The following DPP6 variants were observed in gnomAD, a reference collection of about 807,000 sequenced individuals.
The protein encoded by DPP6 is dipeptidyl peptidase like 6.
In DPP6, 69 loss-of-function variants were observed where a neutral mutation model predicts 122.6. The ratio of observed to expected loss-of-function variants is 0.56; its 90% confidence interval spans 0.46 to 0.69. The LOEUF is 0.69. DPP6 is among the 30% of genes least tolerant of loss of function. The pLI is 0.00. For missense variants in DPP6, 928 were observed against 1,116.9 expected, an observed-to-expected ratio of 0.83 and a Z score of 2.41; for synonymous variants, 418 against 433.1, an observed-to-expected ratio of 0.97 and a Z score of 0.43.
In DPP6 at chr7:154,324,093, G is replaced by C. The variant is rs544335989; in HGVS notation, c.244-122121G>C. On this transcript the variant is annotated intron_variant, in intron 1 of 25. Coordinates refer to ENST00000377770, the MANE Select transcript of DPP6 (RefSeq NM_130797.4). ...GACAGAACCATGAGCAGAGGACATA[G>C]TGGGTGGGGTTCGTGGAAAAATAGA... 3.9e-5 allele frequency among the ~76,000 whole-genome samples: 6 copies of C among 152,346 alleles called. No homozygotes were observed. In the South Asian group the frequency reaches 1.2e-3, roughly 32 times the overall value.
rs1204887850 is a variant in DPP6 at position 154,500,992 on chromosome 7, C to G, written c.457+25955C>G. Among the ~76,000 whole-genome samples the G allele has an allele frequency of 2.6e-5, 4 of 152,250 alleles. No individual in the cohort carries two copies. The East Asian group carries it at 5.8e-4, about 22-fold the overall frequency. The stretch of plus-strand genomic sequence containing the variant: ...AAATCCAGGCTGAGGTGGTCTCAGA[C>G]AGAGATGAGAAACTAGTTGGGAACT... On this transcript the variant is annotated intron_variant, in intron 3 of 25. Transcript: ENST00000377770.
At position 154,506,169 on chromosome 7, in the gene DPP6, G is replaced by A. The variant is rs377595181; in HGVS notation, c.457+31132G>A. Among the ~76,000 whole-genome samples, 22 of 152,090 alleles carry A rather than the reference G, an allele frequency of 1.4e-4. No homozygotes were observed. The South Asian group carries it at 1.9e-3, about 13-fold the overall frequency. On this transcript the variant is annotated intron_variant, in intron 3 of 25. Coordinates refer to ENST00000377770, the MANE Select transcript of DPP6 (RefSeq NM_130797.4). Reference sequence around the variant, plus strand: ...TGCTTTTCTGGAAGAGATTTTTGGAGATCTTAACTCTGCTATTTGGATGTA... The same window carrying A: ...TGCTTTTCTGGAAGAGATTTTTGGAAATCTTAACTCTGCTATTTGGATGTA...
At chr7:154,060,731 C>CACT (rs1801694704) in intron 1 of DPP6, among the ~76,000 whole-genome samples, 3 of 146,104 alleles carry the variant, frequency 2.1e-5, no homozygotes, top group African/African-American at 7.6e-5. Flanking sequence ...GGAGGCACCC[C>CACT]CCGCGAGGCA....
rs542708634 is a variant in DPP6, at chr7:154,806,951, TC to T, written c.1548-41del. 3.7e-3 allele frequency: 5,914 copies of T among 1,603,956 alleles called. 21 individuals are homozygous for T. The highest frequency in any genetic ancestry group is 4.6e-3 in the Non-Finnish European group (5,357 of 1,173,940). On this transcript the variant is annotated intron_variant, in intron 15 of 25. Transcript: ENST00000377770. ...TGCGGCACCCAGCGTGGAGGGCAGC[TC>T]CTCTCCGCCCACATTCACACCTGCG...
At chr7:154,316,979 A>T (rs1441948780) in intron 1 of DPP6, among the ~76,000 whole-genome samples, 2 of 152,122 alleles carry the variant, frequency 1.3e-5, no homozygotes, top group African/African-American at 4.8e-5. Context: ...TTGACTAATA[A>T]CAGCTGTGAC....
At chr7:154,450,934 G>T (rs1482407814) in intron 2 of DPP6, among the ~76,000 whole-genome samples, 1 of 152,110 alleles carries the variant, frequency 6.6e-6, no homozygotes, top group Non-Finnish European at 1.5e-5. Context: ...CTGCAGATTC[G>T]ATCTTGTGGT....
At chr7:154,168,625 A>G (rs975012724) in intron 1 of DPP6, among the ~76,000 whole-genome samples, 7 of 152,184 alleles carry the variant, frequency 4.6e-5, no homozygotes, top group African/African-American at 1.2e-4. Flanking sequence ...GTGGCTCCAT[A>G]TGGGCCTCTT....
At chr7:154,188,177 T>C (rs892477925) in intron 1 of DPP6, among the ~76,000 whole-genome samples, 1 of 152,146 alleles carries the variant, frequency 6.6e-6, no homozygotes, top group African/African-American at 2.4e-5. Flanking sequence ...CCACAGTGAC[T>C]TCCCAAGCTA....
At chr7:153,886,172 C>T (rs1184827290), upstream of DPP6, among the ~76,000 whole-genome samples, 1 of 149,800 alleles carries the variant, frequency 6.7e-6, no homozygotes, top group Non-Finnish European at 1.5e-5. Flanking sequence ...TGTCTATCAG[C>T]TCTGAATCTG....
chr7:154,336,694 G>A (rs1034197120), intron 1 of DPP6, among the ~76,000 whole-genome samples: 2 of 152,216 alleles, frequency 1.3e-5, no homozygotes, highest in African/African-American at 4.8e-5. Flanking sequence ...GGGCACGTGA[G>A]TCAGGGAAGC....
In DPP6 at chr7:154,325,249, G is replaced by C. The variant is rs550424445; in HGVS notation, c.244-120965G>C. On this transcript the variant is annotated intron_variant, in intron 1 of 25. Coordinates refer to ENST00000377770, the MANE Select transcript of DPP6 (RefSeq NM_130797.4). ...CCAATGGCTGCGAATCGGCAGAGTT[G>C]GGCCCCAGTGGGTCTCCTCACTCCA... Among the ~76,000 whole-genome samples, 6 of 152,238 alleles carry C rather than the reference G, an allele frequency of 3.9e-5. No homozygotes were observed. The South Asian group carries it at 1.0e-3, about 26-fold the overall frequency.
intron 5 of DPP6, among the ~76,000 whole-genome samples, chr7:154,611,808 T>C (rs955715624): frequency 1.3e-5 from 2 of 152,038 alleles, no homozygotes; most frequent in African/African-American, 4.8e-5. Context: ...AACCAAGATG[T>C]TGACATCAAC....
intron 5 of DPP6, among the ~76,000 whole-genome samples, chr7:154,614,722 G>A (rs1483222652): frequency 6.6e-6 from 1 of 152,062 alleles, no homozygotes; most frequent in African/African-American, 2.4e-5. Flanking sequence ...AGCATTCTGA[G>A]ATATTAGCAT....
intron 1 of DPP6, among the ~76,000 whole-genome samples, chr7:154,371,107 G>A (rs188191476): frequency 6.6e-6 from 1 of 152,254 alleles, no homozygotes; most frequent in Non-Finnish European, 1.5e-5. Flanking sequence ...GCCGGGCATG[G>A]TGGTTCACAC....
chr7:154,573,609 T>C (rs1168096107), intron 5 of DPP6, among the ~76,000 whole-genome samples: 1 of 152,228 alleles, frequency 6.6e-6, no homozygotes, highest in Non-Finnish European at 1.5e-5. Flanking sequence ...ATGGTCCAGA[T>C]TGTTTTGTCA....
At chr7:154,645,157 G>A (rs1383939013) in intron 6 of DPP6, among the ~76,000 whole-genome samples, 2 of 151,170 alleles carry the variant, frequency 1.3e-5, no homozygotes, top group African/African-American at 4.9e-5. Flanking sequence ...CCGCCTCCCA[G>A]GTTCACACCA....
At chr7:154,233,448 C>T (rs903727156) in intron 1 of DPP6, among the ~76,000 whole-genome samples, 7 of 152,170 alleles carry the variant, frequency 4.6e-5, no homozygotes, top group African/African-American at 1.4e-4. Flanking sequence ...TCCTAACCCC[C>T]GGTGACTGTA....
intron 5 of DPP6, among the ~76,000 whole-genome samples, chr7:154,627,427 T>C (rs1191637098): frequency 1.3e-5 from 2 of 151,442 alleles, no homozygotes; most frequent in African/African-American, 4.9e-5. Flanking sequence ...CTCGATCTCT[T>C]GACCTCGTGA....
intron 5 of DPP6, among the ~76,000 whole-genome samples, chr7:154,635,048 G>A (rs945442019): frequency 3.3e-5 from 5 of 152,138 alleles, no homozygotes; most frequent in Non-Finnish European, 5.9e-5. Flanking sequence ...TGACTTGAGA[G>A]TTACGAGATA....
Sources: gnomAD v4.1 joint callset for allele counts (sites outside exome capture counted in the v4.1 genomes callset) on GRCh38, gnomAD v4.1.1 for gene constraint, MANE v1.5 for transcripts, NCBI Gene and HGNC (gene_info 2026-07-23, HGNC 2026-07-21) for gene names.